ASIC2: variants seen among roughly 807,000 people sequenced by gnomAD.
ASIC2 encodes acid-sensing ion channel 2.
Under a neutral mutation model 57.3 loss-of-function variants are expected in ASIC2, and 25 were observed. The observed-to-expected ratio is 0.44, with a 90% CI of 0.32 to 0.61. The LOEUF (loss-of-function observed/expected upper bound fraction) is 0.61, where lower values mean the gene tolerates loss of function less well. Ranked by LOEUF, ASIC2 falls within the 20% of genes least tolerant of loss-of-function variation. The pLI is 0.06. For synonymous variants in ASIC2, 319 were observed against 307.5 expected (o/e 1.04, Z -0.39); for missense variants, 641 against 738.1 (o/e 0.87, Z 1.52).
chr17:33,453,631 G>A (rs1405115163), intron 1 of ASIC2, among the ~76,000 whole-genome samples: 1 of 152,136 alleles, frequency 6.6e-6, no homozygotes, highest in Non-Finnish European at 1.5e-5. Flanking sequence ...GCTTTATTGA[G>A]GAATAATTGT....
intron 1 of ASIC2, among the ~76,000 whole-genome samples, chr17:33,831,972 C>T (rs1026296608): frequency 2.0e-5 from 3 of 152,164 alleles, no homozygotes; most frequent in African/African-American, 4.8e-5. Context: ...TTCATTTTTA[C>T]CCTCTCTTCT....
At chr17:33,771,113 C>T (rs1022180427) in intron 1 of ASIC2, among the ~76,000 whole-genome samples, 2 of 152,142 alleles carry the variant, frequency 1.3e-5, no homozygotes, top group African/African-American at 4.8e-5. Flanking sequence ...AATAAAACTA[C>T]ATAGTAACTT....
intron 1 of ASIC2, among the ~76,000 whole-genome samples, chr17:33,719,157 C>T (rs1909309415): frequency 6.6e-6 from 1 of 152,174 alleles, no homozygotes. Flanking sequence ...AAATCAGACC[C>T]TTGTCTGGGT....
intron 1 of ASIC2, among the ~76,000 whole-genome samples, chr17:33,886,074 C>T (rs2141943541): frequency 6.6e-6 from 1 of 152,258 alleles, no homozygotes; most frequent in South Asian, 2.1e-4. Context: ...AGTTATGTTG[C>T]AGTAACAAAC....
chr17:33,399,702 G>A (rs1427223144), intron 1 of ASIC2, among the ~76,000 whole-genome samples: 1 of 152,102 alleles, frequency 6.6e-6, no homozygotes, highest in Non-Finnish European at 1.5e-5. Context: ...CCTTTTCCCA[G>A]CCTCCTGGCA....
intron 1 of ASIC2, among the ~76,000 whole-genome samples, chr17:33,775,223 A>G (rs1341406410): frequency 2.0e-5 from 3 of 152,210 alleles, no homozygotes; most frequent in African/African-American, 7.2e-5. Flanking sequence ...CAGCCTCCTC[A>G]CATTACAAAT....
intron 1 of ASIC2, among the ~76,000 whole-genome samples, chr17:33,997,301 C>A (rs904318071): frequency 7.3e-6 from 1 of 136,738 alleles, no homozygotes; most frequent in African/African-American, 2.8e-5. Flanking sequence ...CCACCATGCA[C>A]GGTTAATTTT....
intron 1 of ASIC2, among the ~76,000 whole-genome samples, chr17:33,469,410 C>G (rs901509753): frequency 1.3e-5 from 2 of 152,214 alleles, no homozygotes; most frequent in Non-Finnish European, 2.9e-5. Flanking sequence ...GGTTCCACAG[C>G]ACACAAGCAC....
intron 1 of ASIC2, among the ~76,000 whole-genome samples, chr17:33,272,652 T>C (rs769884792): frequency 2.0e-5 from 3 of 152,102 alleles, no homozygotes; most frequent in African/African-American, 7.2e-5. Flanking sequence ...ATCACCAACA[T>C]TGTCATCACT....
intron 1 of ASIC2, among the ~76,000 whole-genome samples, chr17:33,970,547 A>G (rs12936119): frequency 0.47 from 70,976 of 152,066 alleles, 17,760 homozygotes; most frequent in Admixed American, 0.55. Flanking sequence ...CGCAAAAGAC[A>G]GGGAAGTTAG....
intron 1 of ASIC2, among the ~76,000 whole-genome samples, chr17:33,600,555 G>A (rs1435099239): frequency 6.6e-6 from 1 of 152,182 alleles, no homozygotes; most frequent in Non-Finnish European, 1.5e-5. Context: ...AATTTGGCAG[G>A]TCAGGCTATA....
At chr17:33,332,033 A>G (rs749628940) in intron 1 of ASIC2, among the ~76,000 whole-genome samples, 60 of 152,226 alleles carry the variant, frequency 3.9e-4, no homozygotes, top group Non-Finnish European at 7.3e-4. Flanking sequence ...AAGCTGATCA[A>G]TTGGTTCTGA....
intron 1 of ASIC2, among the ~76,000 whole-genome samples, chr17:33,573,348 C>T (rs529508286): frequency 2.0e-4 from 30 of 152,058 alleles, no homozygotes; most frequent in Non-Finnish European, 4.0e-4. Context: ...TAAACAAATA[C>T]CCACGGCCCA....
intron 1 of ASIC2, among the ~76,000 whole-genome samples, chr17:34,090,222 T>C (rs1474672566): frequency 6.6e-6 from 1 of 152,224 alleles, no homozygotes; most frequent in African/African-American, 2.4e-5. Context: ...AGCATCCTTG[T>C]CCTTCTTCCC....
intron 1 of ASIC2, among the ~76,000 whole-genome samples, chr17:33,698,913 C>A (rs184258329): frequency 2.0e-5 from 3 of 152,100 alleles, no homozygotes; most frequent in East Asian, 3.9e-4. Flanking sequence ...ACGCAGATGC[C>A]CCCCCTCTGC....
chr17:33,717,347 G>T (rs908639399), intron 1 of ASIC2, among the ~76,000 whole-genome samples: 1 of 152,152 alleles, frequency 6.6e-6, no homozygotes, highest in African/African-American at 2.4e-5. Flanking sequence ...ATAGAGTGAG[G>T]GCCCTCTGTG....
chr17:33,228,973 A>C (rs1949261926), intron 1 of ASIC2, among the ~76,000 whole-genome samples: 3 of 152,340 alleles, frequency 2.0e-5, no homozygotes, highest in African/African-American at 7.2e-5. Context: ...GTTGGGGAAG[A>C]GAAAGGTACC....
chr17:34,021,838 T>G lies in ASIC2; in HGVS notation c.555+134140A>C, dbSNP rs868461848. ...GTTGTTGGTTTTGTGTTTTGTTTTGTTTTTTTTTTTTTTTTTTGAGACAGA... is the reference window on the plus strand; with the variant it reads ...GTTGTTGGTTTTGTGTTTTGTTTTGGTTTTTTTTTTTTTTTTTGAGACAGA... On this transcript the variant is annotated intron_variant, in intron 1 of 9. Transcript: ENST00000359872. Among the ~76,000 whole-genome samples, 184 of 69,808 alleles carry G rather than the reference T, an allele frequency of 2.6e-3. 1 individual carries two copies. The highest frequency in any genetic ancestry group is 0.024 in the African/African-American group (175 of 7,310). The allele number at this position is 69,808 out of a possible 152,430, so 45.8% of individuals were successfully genotyped here. A position where few individuals can be genotyped will look rare whatever the true frequency, so the allele number is the denominator to read the frequency against.
intron 1 of ASIC2, among the ~76,000 whole-genome samples, chr17:33,675,180 C>T (rs1314743419): frequency 1.2e-4 from 19 of 152,204 alleles, no homozygotes; most frequent in Admixed American, 1.2e-3. Flanking sequence ...TTCCCTTTAA[C>T]CCTTTAGTGA....
Sources: gnomAD v4.1 joint callset for allele counts (sites outside exome capture counted in the v4.1 genomes callset) on GRCh38, gnomAD v4.1.1 for gene constraint, MANE v1.5 for transcripts, NCBI Gene and HGNC (gene_info 2026-07-23, HGNC 2026-07-21) for gene names.